PCDHA2: variants seen among roughly 807,000 people sequenced by gnomAD.
PCDHA2 encodes the protein protocadherin alpha-2.
Under a neutral mutation model 66.0 loss-of-function variants are expected in PCDHA2, and 58 were observed. The observed-to-expected ratio is 0.88, with a 90% CI of 0.71 to 1.09. The LOEUF is 1.09. PCDHA2 is among the 50% of genes least tolerant of loss of function. The pLI is 0.00. For synonymous variants in PCDHA2, 634 were observed against 554.0 expected (o/e 1.14, Z -2.03); for missense variants, 1,267 against 1,242.3 (o/e 1.02, Z -0.30).
chr5:140,865,443 G>A (rs192930935), intron 1 of PCDHA2: 1 of 152,292 alleles, frequency 6.6e-6, no homozygotes, highest in East Asian at 1.9e-4. Context: ...TAACTTCTGA[G>A]AAGATGATTT....
At chr5:140,948,013 A>G (rs1214834981) in intron 1 of PCDHA2, among the ~76,000 whole-genome samples, 7 of 89,982 alleles carry the variant, frequency 7.8e-5, no homozygotes, top group Admixed American at 5.3e-4. Context: ...TTTAGGAAGT[A>G]CCCTTTCTGG....
chr5:140,850,943 T>G lies in PCDHA2; in HGVS notation c.2388+53591T>G, dbSNP rs2150503194. On this transcript the variant is annotated intron_variant, in intron 1 of 3. Coordinates refer to ENST00000526136, the MANE Select transcript of PCDHA2 (RefSeq NM_018905.3). The stretch of plus-strand genomic sequence containing the variant: ...ATATAATTTTTTTTCTTGAAAGATA[T>G]TATCGATTACTCCCAGGGGCCGTTC... 7.3e-6 allele frequency: 11 copies of G among 1,506,780 alleles called. 2 individuals are homozygous for G. Among genetic ancestry groups the G allele is most frequent in the Non-Finnish European group, 8.9e-6 (10 of 1,121,750 alleles). The allele number at this position is 1,506,780 out of a possible 1,614,324, so 93.3% of individuals were successfully genotyped here.
chr5:140,895,225 G>A (rs1472993401), intron 1 of PCDHA2, among the ~76,000 whole-genome samples: 1 of 152,050 alleles, frequency 6.6e-6, no homozygotes, highest in African/African-American at 2.4e-5. Flanking sequence ...ATTTTACTGA[G>A]TTTTCTCATC....
chr5:140,822,162 G>A, intron 1 of PCDHA2: 1 of 1,614,230 alleles, frequency 6.2e-7, no homozygotes, highest in Non-Finnish European at 8.5e-7. Flanking sequence ...ATGACAATCC[G>A]CCCAGGTTCT....
intron 1 of PCDHA2, among the ~76,000 whole-genome samples, chr5:140,893,124 CA>C (rs2063834148): frequency 2.0e-5 from 3 of 152,298 alleles, no homozygotes; most frequent in Admixed American, 1.3e-4. Flanking sequence ...ATATACACCA[CA>C]TTTTCTTTAT....
chr5:140,983,211 T>C (rs1429696975), intron 3 of PCDHA2, among the ~76,000 whole-genome samples: 1 of 152,204 alleles, frequency 6.6e-6, no homozygotes, highest in African/African-American at 2.4e-5. Context: ...AGGGACTATT[T>C]CCTAATCCAA....
At chr5:140,881,940 G>A (rs1273995753) in intron 1 of PCDHA2, 1 of 295,968 alleles carries the variant, frequency 3.4e-6, no homozygotes, top group Non-Finnish European at 6.2e-6. Flanking sequence ...TGCTGTTTCT[G>A]GGAAGGTAAA....
At chr5:140,815,798 C>T (rs1286964412) in intron 1 of PCDHA2, 3 of 152,150 alleles carry the variant, frequency 2.0e-5, no homozygotes, top group Non-Finnish European at 4.4e-5. Flanking sequence ...TTTTGTTTAA[C>T]TGGGAAGGTC....
chr5:140,999,594 A>G (rs1279617761), intron 3 of PCDHA2, among the ~76,000 whole-genome samples: 25 of 152,186 alleles, frequency 1.6e-4, no homozygotes, highest in Admixed American at 1.4e-3. Flanking sequence ...TGCCTTCCCT[A>G]CATCCTGGGG....
intron 1 of PCDHA2, chr5:140,858,104 G>T: frequency 6.3e-7 from 1 of 1,597,736 alleles, no homozygotes; most frequent in Non-Finnish European, 8.6e-7. Context: ...AGTGGGCGTG[G>T]CGCCCGAGGT....
In PCDHA2 at chr5:140,797,248, G is replaced by A; in HGVS notation, c.2284G>A (p.Glu762Lys). ...GAGGCGGCAGAGGGTGTGCTCTGGG[G>A]AGGACCCCCCCAAGACGGACCTCAT... is the stretch of plus-strand genomic sequence containing the variant. The part of the protein sequence containing the change: ...QQRRQRVCSG[E>K]DPPKTDLMAF... Residue 762 changes from glutamate (E) to lysine (K), a missense_variant, in exon 1 of 4, where the codon GAG becomes AAG. Coordinates refer to ENST00000526136, the MANE Select transcript of PCDHA2 (RefSeq NM_018905.3). 2 of 1,614,190 alleles carry A rather than the reference G, an allele frequency of 1.2e-6. No homozygotes were observed. Among genetic ancestry groups the A allele is most frequent in the Non-Finnish European group, 1.7e-6 (2 of 1,180,032 alleles).
chr5:140,913,103 G>A (rs2076206771), intron 1 of PCDHA2, among the ~76,000 whole-genome samples: 1 of 152,144 alleles, frequency 6.6e-6, no homozygotes, highest in Admixed American at 6.5e-5. Context: ...TGGCCTCATA[G>A]AATCAGTTTG....
At chr5:140,882,718 T>A (rs782288800) in intron 1 of PCDHA2, 9 of 1,614,054 alleles carry the variant, frequency 5.6e-6, no homozygotes, top group Middle Eastern at 1.6e-4. Flanking sequence ...CTCCGGAAAC[T>A]CGATTTCCAC....
intron 1 of PCDHA2, among the ~76,000 whole-genome samples, chr5:140,973,691 T>C (rs1420618979): frequency 6.6e-6 from 1 of 152,224 alleles, no homozygotes; most frequent in Non-Finnish European, 1.5e-5. Context: ...GGCCTACTGT[T>C]TCCTTCTGAC....
chr5:140,828,937 T>C (rs1770037228), intron 1 of PCDHA2: 1 of 1,614,274 alleles, frequency 6.2e-7, no homozygotes, highest in Non-Finnish European at 8.5e-7. Context: ...ATTCTTTTAA[T>C]AGCCTTGTTG....
chr5:140,847,295 C>G (rs1780942719), intron 1 of PCDHA2, among the ~76,000 whole-genome samples: 1 of 149,718 alleles, frequency 6.7e-6, no homozygotes, highest in Non-Finnish European at 1.5e-5. Flanking sequence ...AACTCAGAAG[C>G]TCCTGCAGTA....
chr5:140,870,957 C>T, intron 1 of PCDHA2: 1 of 1,613,704 alleles, frequency 6.2e-7, no homozygotes, highest in Non-Finnish European at 8.5e-7. Context: ...GCGGCTCGCG[C>T]ATCCCGTTCC....
At chr5:140,857,218 T>C (rs2044426953) in intron 1 of PCDHA2, 1 of 1,598,352 alleles carries the variant, frequency 6.3e-7, no homozygotes, top group African/African-American at 1.3e-5. Context: ...CTCTGACGCC[T>C]CACGTTCCGT....
At chr5:140,951,523 G>A (rs868992487) in intron 1 of PCDHA2, among the ~76,000 whole-genome samples, 1 of 151,994 alleles carries the variant, frequency 6.6e-6, no homozygotes, top group Non-Finnish European at 1.5e-5. Context: ...ATCTTACATG[G>A]CCGGTGCAGG....
Sources: gnomAD v4.1 joint callset for allele counts (sites outside exome capture counted in the v4.1 genomes callset) on GRCh38, gnomAD v4.1.1 for gene constraint, MANE v1.5 for transcripts, NCBI Gene and HGNC (gene_info 2026-07-23, HGNC 2026-07-21) for gene names.